The following NRK variants were observed in gnomAD, a reference collection of about 807,000 sequenced individuals.
NRK encodes the protein Nik related kinase, also known as nik-related protein kinase.
In NRK, 67 loss-of-function variants were observed where a neutral mutation model predicts 125.2. The ratio of observed to expected loss-of-function variants is 0.54; its 90% CI spans 0.44 to 0.66. The LOEUF (loss-of-function observed/expected upper bound fraction) is 0.66, where lower values mean the gene tolerates loss of function less well. Among genes scored for constraint, NRK ranks in the 30% least tolerant of loss-of-function variants. The pLI, the probability that NRK is intolerant of heterozygous loss-of-function variation, is 0.00. For synonymous variants in NRK, 458 were observed against 429.0 expected (o/e 1.07, Z -0.84); for missense variants, 1,224 against 1,192.9 (o/e 1.03, Z -0.38).
At chrX:105,927,909 T>C (rs1478053865) in intron 19 of NRK, among the ~76,000 whole-genome samples, 1 of 111,449 alleles carries the variant, frequency 9.0e-6, no homozygotes, top group East Asian at 2.8e-4. Context: ...TTTGCATCTA[T>C]CTTCATCAGA....
At chrX:105,875,416 A>G (rs1451247129) in intron 2 of NRK, among the ~76,000 whole-genome samples, 2 of 110,790 alleles carry the variant, frequency 1.8e-5, no homozygotes, top group Non-Finnish European at 3.8e-5. Context: ...TCAGTACTTA[A>G]CTGTTCATTG....
intron 22 of NRK, among the ~76,000 whole-genome samples, chrX:105,939,049 T>A (rs2040702772): frequency 9.0e-6 from 1 of 111,471 alleles, no homozygotes; most frequent in Non-Finnish European, 1.9e-5. Context: ...ACTGGGTCCC[T>A]CACTCAACAC....
At chrX:105,926,992 G>A (rs2040532335) in intron 19 of NRK, among the ~76,000 whole-genome samples, 1 of 110,860 alleles carries the variant, frequency 9.0e-6, no homozygotes, top group South Asian at 3.8e-4. Context: ...GCAAATTTTA[G>A]GATTTTTTTC....
chrX:105,913,009 A>G (rs1256489393), intron 14 of NRK, among the ~76,000 whole-genome samples: 2 of 112,226 alleles, frequency 1.8e-5, no homozygotes, highest in African/African-American at 6.5e-5. Context: ...TTAATGAAAA[A>G]ACTGTATTTT....
chrX:105,914,241 A>T (rs1227621269), intron 14 of NRK, among the ~76,000 whole-genome samples: 1 of 111,023 alleles, frequency 9.0e-6, no homozygotes, highest in African/African-American at 3.3e-5. Context: ...CAGTCCTCTG[A>T]AGTTAATAAC....
In NRK at chrX:105,890,913, G is replaced by T. The variant is rs140880249; in HGVS notation, c.378+2494G>T. Among the ~76,000 whole-genome samples, 470 of 111,451 alleles carry T rather than the reference G, an allele frequency of 4.2e-3. 1 individual carries two copies. Among genetic ancestry groups the T allele is most frequent in the African/African-American group, 0.014 (439 of 30,597 alleles). ...TATGGGAAAATAACTTAAGTGCCTG[G>T]CAAGGGGATTACTGGTGGGATGGGG... On this transcript the variant is annotated intron_variant, in intron 5 of 28. Transcript: ENST00000243300.
chrX:105,894,315 T>C (rs1456698053), intron 6 of NRK, among the ~76,000 whole-genome samples: 1 of 112,142 alleles, frequency 8.9e-6, no homozygotes, highest in Non-Finnish European at 1.9e-5. Context: ...AAGAAGTCAG[T>C]ATTTTATGGA....
At chrX:105,934,139 A>G (rs751478584) in intron 19 of NRK, 119 bp from the exon 20 acceptor site, 7 of 402,516 alleles carry the variant, frequency 1.7e-5, no homozygotes, top group Non-Finnish European at 3.0e-5. Flanking sequence ...TGTGGATTTT[A>G]TAAGAATGTA....
intron 1 of NRK, among the ~76,000 whole-genome samples, chrX:105,830,067 G>A (rs2039166514): frequency 9.2e-6 from 1 of 108,979 alleles, no homozygotes; most frequent in Admixed American, 9.9e-5. Context: ...ACATCGGCTG[G>A]GCGCAGTGGC....
At chrX:105,895,305 A>C (rs1211575520) in intron 6 of NRK, 128 bp from the exon 7 acceptor site, 1 of 559,266 alleles carries the variant, frequency 1.8e-6, no homozygotes. Context: ...TGTCTGAAAC[A>C]TCAAAATTAA....
intron 28 of NRK, 137 bp downstream of exon 28, chrX:105,953,310 TAA>T (rs962043393): frequency 2.2e-6 from 1 of 455,680 alleles, no homozygotes; most frequent in African/African-American, 2.5e-5. Flanking sequence ...TACTATTGAT[TAA>T]AAAACAATTT....
Position 105,935,244 on chromosome X carries a change from G to T in NRK, c.3574G>T (p.Val1192Phe). 1 of 1,189,884 alleles carries T rather than the reference G, an allele frequency of 8.4e-7. No individual in the cohort carries two copies. Among genetic ancestry groups the T allele is most frequent in the Non-Finnish European group, 1.1e-6 (1 of 876,160 alleles). The change falls in exon 21 of 29, where the codon GTC becomes TTC. Residue 1192 changes from valine to phenylalanine, a missense_variant. Physicochemically the swap from Val to Phe is conservative, Grantham distance 50 (BLOSUM62 -1). Transcript: ENST00000243300. Reference sequence around the variant, plus strand: ...TGAAGTCAATGTTAACCCACTCTATGTCTCTCCTGCATGTAAAAAACCACT... The same window carrying T: ...TGAAGTCAATGTTAACCCACTCTATTTCTCTCCTGCATGTAAAAAACCACT... ...PSEVNVNPLY[V>F]SPACKKPLIH...
At chrX:105,883,677 C>G (rs1294368242) in intron 4 of NRK, among the ~76,000 whole-genome samples, 1 of 112,307 alleles carries the variant, frequency 8.9e-6, no homozygotes, top group Non-Finnish European at 1.9e-5. Context: ...AAGGAATCAC[C>G]TTAACATCAA....
At chrX:105,845,579 A>G (rs958086881) in intron 2 of NRK, among the ~76,000 whole-genome samples, 2 of 112,204 alleles carry the variant, frequency 1.8e-5, no homozygotes, top group Non-Finnish European at 3.8e-5. Context: ...TTCAAATGTA[A>G]ATGGGCGTGT....
intron 1 of NRK, among the ~76,000 whole-genome samples, chrX:105,826,878 C>T (rs1401209815): frequency 9.0e-6 from 1 of 111,025 alleles, no homozygotes; most frequent in East Asian, 2.8e-4. Context: ...CATAACACTG[C>T]ACATCAGTTT....
chrX:105,905,902 C>A (rs1412983773), intron 10 of NRK, among the ~76,000 whole-genome samples: 1 of 112,112 alleles, frequency 8.9e-6, no homozygotes, highest in Non-Finnish European at 1.9e-5. Context: ...TTCAATTTAA[C>A]CCTTTCCATG....
chrX:105,853,530 GAC>G (rs760111907), intron 2 of NRK, among the ~76,000 whole-genome samples: 1 of 111,598 alleles, frequency 9.0e-6, no homozygotes, highest in Non-Finnish European at 1.9e-5. Flanking sequence ...AGCACACACA[GAC>G]ACACACACAC....
chrX:105,904,686 A>G (rs1161894439), intron 9 of NRK, among the ~76,000 whole-genome samples: 1 of 111,705 alleles, frequency 9.0e-6, no homozygotes, highest in Non-Finnish European at 1.9e-5. Flanking sequence ...CAGATAGGCT[A>G]GGTAATTTGC....
chrX:105,824,806 T>C (rs2039071819), intron 1 of NRK, among the ~76,000 whole-genome samples: 1 of 110,980 alleles, frequency 9.0e-6, no homozygotes, highest in Non-Finnish European at 1.9e-5. Context: ...AAAGATAAGA[T>C]TGGTTTTTAA....
Sources: allele counts gnomAD v4.1 joint callset (sites outside exome capture counted in the v4.1 genomes callset), GRCh38; gene constraint gnomAD v4.1.1; transcripts MANE v1.5; gene names NCBI Gene and HGNC (gene_info 2026-07-23, HGNC 2026-07-21).